KCNQ3: variants seen among roughly 807,000 people sequenced by gnomAD.
KCNQ3 encodes the protein potassium voltage-gated channel subfamily KQT member 3.
In KCNQ3, 30 loss-of-function variants were observed where a neutral mutation model predicts 92.5. That is an observed-to-expected ratio of 0.32 (90% CI 0.24 to 0.44). The LOEUF is 0.44. Among genes scored for constraint, KCNQ3 ranks in the 20% least tolerant of loss-of-function variants. KCNQ3 has a pLI of 1.00. For missense variants in KCNQ3, 913 were observed against 1,140.3 expected (o/e 0.80, Z 2.87); for synonymous variants, 450 against 468.8 (o/e 0.96, Z 0.52).
At chr8:132,239,572 T>C (rs1052173747) in intron 1 of KCNQ3, among the ~76,000 whole-genome samples, 2 of 152,222 alleles carry the variant, frequency 1.3e-5, no homozygotes, top group African/African-American at 4.8e-5. Context: ...ACCAACAGAC[T>C]GCAAAACCTG....
intron 1 of KCNQ3, among the ~76,000 whole-genome samples, chr8:132,227,060 C>CTT (rs923601765): frequency 3.9e-4 from 32 of 82,544 alleles, no homozygotes; most frequent in African/African-American, 1.5e-3. Flanking sequence ...ATATCTCACT[C>CTT]TTTTTTTTTT....
intron 12 of KCNQ3, among the ~76,000 whole-genome samples, chr8:132,134,883 A>G (rs1413123726): frequency 6.6e-6 from 1 of 152,058 alleles, no homozygotes; most frequent in Non-Finnish European, 1.5e-5. Context: ...TCAGCTGCAC[A>G]CATCACTGCT....
chr8:132,446,910 G>A (rs1390833182), intron 1 of KCNQ3, among the ~76,000 whole-genome samples: 3 of 152,348 alleles, frequency 2.0e-5, no homozygotes, highest in East Asian at 3.9e-4. Context: ...CCAGAAGCAC[G>A]TGAGTGGTGT....
chr8:132,303,841 A>C (rs750032807), intron 1 of KCNQ3, among the ~76,000 whole-genome samples: 16 of 150,080 alleles, frequency 1.1e-4, no homozygotes, highest in Non-Finnish European at 2.2e-4. Context: ...TACACACAGA[A>C]AATATTATAT....
chr8:132,358,440 C>G (rs956735589), intron 1 of KCNQ3, among the ~76,000 whole-genome samples: 12 of 152,192 alleles, frequency 7.9e-5, no homozygotes, highest in Non-Finnish European at 1.6e-4. Flanking sequence ...CACAGAATAT[C>G]TAGAGGAAGA....
At chr8:132,215,006 C>A (rs925565058) in intron 1 of KCNQ3, among the ~76,000 whole-genome samples, 36 of 152,234 alleles carry the variant, frequency 2.4e-4, no homozygotes, top group African/African-American at 8.4e-4. Flanking sequence ...TGATCACTTC[C>A]AAATGTCACC....
Position 132,221,985 on chromosome 8 carries a change from C to T in KCNQ3, c.387-35804G>A, listed in dbSNP as rs1358606326. ...ACCCTAGAAGAAAACCTAGGCAATA[C>T]CATTTAGGACATAGGCATGGGCAAG... On this transcript the variant is annotated intron_variant, in intron 1 of 14. Coordinates refer to ENST00000388996, the MANE Select transcript of KCNQ3 (RefSeq NM_004519.4). Among the ~76,000 whole-genome samples the T allele has an allele frequency of 4.6e-5, 7 of 152,152 alleles. No homozygotes were observed. The South Asian group carries it at 1.2e-3, about 27-fold the overall frequency.
chr8:132,428,099 T>C (rs1821155920), intron 1 of KCNQ3, among the ~76,000 whole-genome samples: 1 of 152,170 alleles, frequency 6.6e-6, no homozygotes, highest in African/African-American at 2.4e-5. Flanking sequence ...CCTCTGCAAC[T>C]CTGTCTCTCT....
intron 1 of KCNQ3, among the ~76,000 whole-genome samples, chr8:132,316,162 T>G (rs1032349909): frequency 2.6e-5 from 4 of 152,172 alleles, no homozygotes; most frequent in Non-Finnish European, 4.4e-5. Flanking sequence ...CCATCGTGAT[T>G]AAATGGGACC....
chr8:132,273,970 C>A (rs1259616683), intron 1 of KCNQ3, among the ~76,000 whole-genome samples: 1 of 152,174 alleles, frequency 6.6e-6, no homozygotes, highest in Non-Finnish European at 1.5e-5. Context: ...AGTCTCTAGG[C>A]AGTTCCAAAC....
At chr8:132,333,352 C>T (rs908840119) in intron 1 of KCNQ3, among the ~76,000 whole-genome samples, 5 of 152,172 alleles carry the variant, frequency 3.3e-5, no homozygotes, top group African/African-American at 1.2e-4. Context: ...ATATTTAAAA[C>T]ATTTCCATAC....
At chr8:132,369,129 T>G (rs1819402940) in intron 1 of KCNQ3, among the ~76,000 whole-genome samples, 1 of 152,178 alleles carries the variant, frequency 6.6e-6, no homozygotes, top group African/African-American at 2.4e-5. Context: ...TTATGGGTTT[T>G]GGGGAGGTAA....
intron 8 of KCNQ3, among the ~76,000 whole-genome samples, chr8:132,168,689 G>A (rs1219024951): frequency 1.3e-5 from 2 of 150,580 alleles, no homozygotes; most frequent in Non-Finnish European, 2.9e-5. Flanking sequence ...GGAGATGGGA[G>A]TAGAAAGAGA....
At chr8:132,229,389 G>A (rs1299320192) in intron 1 of KCNQ3, among the ~76,000 whole-genome samples, 1 of 152,136 alleles carries the variant, frequency 6.6e-6, no homozygotes, top group African/African-American at 2.4e-5. Context: ...GAGGCTGTGG[G>A]CAACTCAAAA....
At chr8:132,472,866 A>T (rs1435963135) in intron 1 of KCNQ3, among the ~76,000 whole-genome samples, 1 of 152,230 alleles carries the variant, frequency 6.6e-6, no homozygotes, top group African/African-American at 2.4e-5. Flanking sequence ...GAAATAGTAC[A>T]TGTACCTCAT....
At chr8:132,460,278 T>C (rs752419974) in intron 1 of KCNQ3, among the ~76,000 whole-genome samples, 2 of 152,118 alleles carry the variant, frequency 1.3e-5, no homozygotes, top group Non-Finnish European at 2.9e-5. Context: ...AGGATATATA[T>C]GTGTGTATAT....
intron 1 of KCNQ3, among the ~76,000 whole-genome samples, chr8:132,475,440 G>A (rs1243567957): frequency 6.6e-6 from 1 of 152,202 alleles, no homozygotes; most frequent in East Asian, 1.9e-4. Flanking sequence ...TGAAGTCCAG[G>A]CTGAGGTGGT....
chr8:132,392,991 A>C (rs1242288802), intron 1 of KCNQ3, among the ~76,000 whole-genome samples: 1 of 152,118 alleles, frequency 6.6e-6, no homozygotes, highest in African/African-American at 2.4e-5. Context: ...GAGAATGCTA[A>C]CAATTTTCCA....
chr8:132,141,260 A>G lies in KCNQ3; in HGVS notation c.1334T>C (p.Phe445Ser). The change falls in exon 10 of 15, where the codon TTT becomes TCT. Residue 445 changes from phenylalanine to serine, a missense_variant. Coordinates refer to ENST00000388996, the MANE Select transcript of KCNQ3 (RefSeq NM_004519.4). ...PRGSNTKGKL[F>S]TPLNVDAIEE... Reference sequence around the variant, plus strand: ...TATGGCATCTACATTCAGAGGGGTAAATAGCTTTCCTTTAGTATTGCTACC... The same window carrying G: ...TATGGCATCTACATTCAGAGGGGTAGATAGCTTTCCTTTAGTATTGCTACC... 1 of 1,614,166 alleles carries G rather than the reference A, an allele frequency of 6.2e-7. No individual in the cohort carries two copies. The highest frequency in any genetic ancestry group is 2.2e-5 in the East Asian group (1 of 44,874).
Sources: gnomAD v4.1 joint callset for allele counts (sites outside exome capture counted in the v4.1 genomes callset) on GRCh38, gnomAD v4.1.1 for gene constraint, MANE v1.5 for transcripts, NCBI Gene and HGNC (gene_info 2026-07-23, HGNC 2026-07-21) for gene names.